Variants in WDFY4 observed in about 807,000 individuals in gnomAD.
WDFY4 encodes the protein WD repeat- and FYVE domain-containing protein 4.
Under a neutral mutation model 351.9 loss-of-function variants are expected in WDFY4, and 169 were observed. The observed-to-expected ratio is 0.48, with a 90% CI of 0.42 to 0.55. The LOEUF (loss-of-function observed/expected upper bound fraction) is 0.55. Ranked by LOEUF, WDFY4 falls within the 20% of genes least tolerant of loss-of-function variation. WDFY4 has a pLI of 0.00. For synonymous variants in WDFY4, 1,622 were observed against 1,574.6 expected, an observed-to-expected ratio of 1.03 and a Z score of -0.71; for missense variants, 3,803 against 3,935.6, an observed-to-expected ratio of 0.97 and a Z score of 0.90.
At chr10:48,955,309 G>A (rs1270119114) in intron 51 of WDFY4, among the ~76,000 whole-genome samples, 1 of 152,240 alleles carries the variant, frequency 6.6e-6, no homozygotes, top group African/African-American at 2.4e-5. Flanking sequence ...CATGTGCTGT[G>A]TTTGCTTGAG....
rs61838885 is a variant in WDFY4, at chr10:48,827,582, G to T, written c.6221+673G>T. On this transcript the variant is annotated intron_variant, in intron 36 of 61. Coordinates refer to ENST00000325239, the MANE Select transcript of WDFY4 (RefSeq NM_001394531.1). ...TCTCCAGCATCTCAGCATCCTGCTG[G>T]CTGTGAGTATGATGTCTTATGAATA... is the stretch of plus-strand genomic sequence containing the variant. Among the ~76,000 whole-genome samples the T allele has an allele frequency of 2.7e-5, 4 of 148,942 alleles. No individual in the cohort carries two copies. The East Asian group carries it at 6.2e-4, about 23-fold the overall frequency.
At chr10:48,924,695 C>T (rs1378447832) in intron 47 of WDFY4, among the ~76,000 whole-genome samples, 2 of 152,112 alleles carry the variant, frequency 1.3e-5, no homozygotes, top group South Asian at 4.1e-4. Context: ...TCTCTTTAGT[C>T]ATTGTGAATC....
chr10:48,943,075 T>C (rs529449028), intron 48 of WDFY4, among the ~76,000 whole-genome samples: 4 of 152,250 alleles, frequency 2.6e-5, no homozygotes, highest in African/African-American at 9.6e-5. Flanking sequence ...TGTTTTATCC[T>C]TGGTGTTGGA....
At chr10:48,935,464 C>T (rs140667722) in intron 47 of WDFY4, among the ~76,000 whole-genome samples, 43 of 152,344 alleles carry the variant, frequency 2.8e-4, no homozygotes, top group African/African-American at 8.4e-4. Flanking sequence ...TCTATGGCAA[C>T]GGCCAAGCGG....
At chr10:48,835,282 G>C (rs1452150040) in intron 39 of WDFY4, among the ~76,000 whole-genome samples, 1 of 152,190 alleles carries the variant, frequency 6.6e-6, no homozygotes. Flanking sequence ...GGGGGCGAGA[G>C]AGGGGCTGGG....
At chr10:48,794,085 T>C (rs1446911492) in intron 23 of WDFY4, among the ~76,000 whole-genome samples, 1 of 151,998 alleles carries the variant, frequency 6.6e-6, no homozygotes, top group South Asian at 2.1e-4. Flanking sequence ...GCATACCGAA[T>C]GGAGGGTAGG....
At chr10:48,921,434 G>A (rs187269416) in intron 47 of WDFY4, among the ~76,000 whole-genome samples, 4 of 152,248 alleles carry the variant, frequency 2.6e-5, no homozygotes, top group Admixed American at 2.6e-4. Flanking sequence ...TTAAACCTTG[G>A]CCTAATTAAC....
At chr10:48,697,012 G>A (rs1324290398) in intron 1 of WDFY4, among the ~76,000 whole-genome samples, 2 of 152,222 alleles carry the variant, frequency 1.3e-5, no homozygotes, top group South Asian at 2.1e-4. Flanking sequence ...GGGTTGGCCT[G>A]GCCTTGGAGC....
In WDFY4 at chr10:48,802,842, G is replaced by A. The variant is rs144471257; in HGVS notation, c.4411-444G>A. The A allele has an allele frequency of 1.3e-4, 63 of 477,328 alleles. No individual in the cohort carries two copies. The Middle Eastern group carries it at 1.6e-3, about 12-fold the overall frequency. 29.6% of individuals were successfully genotyped at this position (477,328 alleles called of 1,614,324 possible). ...AATCTGTACCTGGCTTCTATTTCCT[G>A]TCCTGCCACTTGCTGGTGGTGAGTG... On this transcript the variant is annotated intron_variant, in intron 24 of 61. Coordinates refer to ENST00000325239, the MANE Select transcript of WDFY4 (RefSeq NM_001394531.1).
intron 31 of WDFY4, among the ~76,000 whole-genome samples, chr10:48,815,908 T>A (rs1032713080): frequency 2.6e-5 from 4 of 152,182 alleles, no homozygotes; most frequent in African/African-American, 9.7e-5. Context: ...TTGAAAAATA[T>A]TTTTCAGGTT....
intron 21 of WDFY4, 73 bp downstream of exon 21, chr10:48,788,748 A>G: frequency 6.6e-7 from 1 of 1,518,694 alleles, no homozygotes; most frequent in East Asian, 2.5e-5. Context: ...TTCAGTGCTT[A>G]AGTAAACACT....
At chr10:48,831,190 C>G (rs2068177030) in intron 38 of WDFY4, among the ~76,000 whole-genome samples, 2 of 152,162 alleles carry the variant, frequency 1.3e-5, no homozygotes, top group Non-Finnish European at 1.5e-5. Context: ...GGTTCTAGGT[C>G]CTACCCTGTT....
intron 23 of WDFY4, among the ~76,000 whole-genome samples, chr10:48,795,139 C>T (rs554914666): frequency 5.3e-5 from 8 of 152,028 alleles, no homozygotes; most frequent in South Asian, 2.1e-4. Context: ...CCAGGTAGAT[C>T]GGAGACTCTG....
At chr10:48,847,528 C>T (rs897774692) in intron 39 of WDFY4, among the ~76,000 whole-genome samples, 7 of 151,760 alleles carry the variant, frequency 4.6e-5, no homozygotes, top group African/African-American at 1.7e-4. Context: ...AATCCCTAAC[C>T]TTCTTGCCCT....
In WDFY4 at chr10:48,786,721, C is replaced by T; in HGVS notation, c.3659C>T (p.Thr1220Ile). ...AFVDVYGYIA[T>I]PRVWKQKSSL... The stretch of plus-strand genomic sequence containing the variant: ...GTGGATGTTTATGGATATATTGCTA[C>T]TCCTCGAGTCTGGAAACAAAAGTCT... Residue 1220 changes from threonine to isoleucine, a missense_variant, in exon 20 of 62, where the codon ACT becomes ATT. Thr to Ile is a moderately conservative substitution (Grantham distance 89, BLOSUM62 -1). Transcript: ENST00000325239. The T allele has an allele frequency of 6.4e-7, 1 of 1,552,286 alleles. No homozygotes were observed. The highest frequency in any genetic ancestry group is 8.7e-7 in the Non-Finnish European group (1 of 1,147,130).
chr10:48,886,349 G>A (rs528405971), intron 43 of WDFY4, among the ~76,000 whole-genome samples: 1 of 152,288 alleles, frequency 6.6e-6, no homozygotes, highest in Non-Finnish European at 1.5e-5. Flanking sequence ...TCCCTGCTAT[G>A]GTTTGAATGT....
rs565199276 is a variant in WDFY4, at chr10:48,705,875, C to G, written c.-17-3841C>G. ...TCACTTGACTTGCCACTTGCTGGTC[C>G]TGAAGATGGGGCATGTTAGCATGTC... is the stretch of plus-strand genomic sequence containing the variant. On this transcript the variant is annotated intron_variant, in intron 1 of 61. Transcript: ENST00000325239. 2.0e-5 allele frequency among the ~76,000 whole-genome samples: 3 copies of G among 152,310 alleles called. No individual in the cohort carries two copies. The East Asian group carries it at 5.8e-4, about 29-fold the overall frequency.
intron 13 of WDFY4, among the ~76,000 whole-genome samples, chr10:48,770,424 A>G (rs935390572): frequency 1.3e-5 from 2 of 152,220 alleles, no homozygotes; most frequent in African/African-American, 4.8e-5. Flanking sequence ...TTTCTTTTTA[A>G]TTCTTTTGAA....
intron 11 of WDFY4, among the ~76,000 whole-genome samples, chr10:48,738,380 TTCAGAATC>T (rs1290813318): frequency 6.6e-6 from 1 of 152,232 alleles, no homozygotes; most frequent in Non-Finnish European, 1.5e-5. Context: ...TCAATATCAT[TTCAGAATC>T]ACAGTTATCA....
Sources: gnomAD v4.1 joint callset for allele counts (sites outside exome capture counted in the v4.1 genomes callset) on GRCh38, gnomAD v4.1.1 for gene constraint, MANE v1.5 for transcripts, NCBI Gene and HGNC (gene_info 2026-07-23, HGNC 2026-07-21) for gene names.